The following PSD3 variants were observed in gnomAD, a reference collection of about 807,000 sequenced individuals.
The protein encoded by PSD3 is pleckstrin and Sec7 domain containing 3.
A neutral mutation model predicts 105.5 loss-of-function variants in PSD3; 49 were observed. The observed-to-expected ratio is 0.46, with a 90% CI of 0.37 to 0.59. The LOEUF (loss-of-function observed/expected upper bound fraction) is 0.59. Among genes scored for constraint, PSD3 ranks in the 20% least tolerant of loss-of-function variants. The probability of loss-of-function intolerance (pLI) is 0.00; values close to 1 mark genes in which losing one functional copy is unlikely to be tolerated. For missense variants in PSD3, 1,561 were observed against 1,263.8 expected (o/e 1.24, Z -3.57); for synonymous variants, 557 against 457.8 (o/e 1.22, Z -2.77).
At chr8:18,778,050 G>T (rs1052352105) in intron 8 of PSD3, among the ~76,000 whole-genome samples, 4 of 152,242 alleles carry the variant, frequency 2.6e-5, no homozygotes, top group Admixed American at 2.6e-4. Context: ...TAAGTTGATG[G>T]ACACAGATTA....
intron 1 of PSD3, among the ~76,000 whole-genome samples, chr8:19,083,406 A>G (rs946893446): frequency 6.6e-6 from 1 of 152,190 alleles, no homozygotes; most frequent in Non-Finnish European, 1.5e-5. Context: ...AGGCAAGGCC[A>G]TGATCAGAGG....
At chr8:18,768,402 T>A (rs1447107075) in intron 8 of PSD3, among the ~76,000 whole-genome samples, 1 of 152,108 alleles carries the variant, frequency 6.6e-6, no homozygotes, top group Non-Finnish European at 1.5e-5. Context: ...GCCTGGGAGA[T>A]CAAGACTAGC....
At chr8:18,830,349 T>C (rs1379869983) in intron 4 of PSD3, among the ~76,000 whole-genome samples, 1 of 152,240 alleles carries the variant, frequency 6.6e-6, no homozygotes, top group Admixed American at 6.5e-5. Flanking sequence ...GTTGCTGAAA[T>C]GTGCTCAAGT....
At chr8:18,841,794 T>C (rs1207221195) in intron 4 of PSD3, among the ~76,000 whole-genome samples, 1 of 152,194 alleles carries the variant, frequency 6.6e-6, no homozygotes, top group Non-Finnish European at 1.5e-5. Flanking sequence ...CCATTCCACC[T>C]GGGGGAGAAG....
At chr8:18,804,679 A>T in intron 5 of PSD3, 25 bp downstream of exon 5, 1 of 1,612,452 alleles carries the variant, frequency 6.2e-7, no homozygotes, top group Non-Finnish European at 8.5e-7. Context: ...GAGAATTCAG[A>T]CTCCAGCAAT....
chr8:18,627,368 T>A (rs1204050427), intron 11 of PSD3, among the ~76,000 whole-genome samples: 1 of 152,042 alleles, frequency 6.6e-6, no homozygotes, highest in Non-Finnish European at 1.5e-5. Context: ...TCTGAAGACC[T>A]GCAGAGGATA....
chr8:18,630,659 TTC>T (rs1263058900), intron 11 of PSD3, among the ~76,000 whole-genome samples: 1 of 151,758 alleles, frequency 6.6e-6, no homozygotes, highest in Non-Finnish European at 1.5e-5. Context: ...ATTGAAATTA[TTC>T]TTTTTTTTTT....
chr8:18,956,765 A>G (rs56811014), intron 1 of PSD3, among the ~76,000 whole-genome samples: 30,987 of 151,970 alleles, frequency 0.2, 3,368 homozygotes, highest in African/African-American at 0.29. Flanking sequence ...CTTAAAAATG[A>G]TTGTTAATAA....
Position 18,556,319 on chromosome 8 carries a change from T to C in PSD3, c.2818A>G (p.Lys940Glu). The change falls in exon 15 of 16, where the codon AAG (lysine) becomes GAG (glutamate). Residue 940 changes from lysine to glutamate, a missense_variant. Physicochemically the swap from Lys to Glu is moderately conservative, Grantham distance 56 (BLOSUM62 1). Transcript: ENST00000327040. ...EQLKSHESKL[K>E]QITTELAEHR... ...TCGGCCAGCTCGGTGGTGATCTGCT[T>C]CAGCTTACTTTCATGTGACTTCAGT... 1 of 1,613,770 alleles carries C rather than the reference T, an allele frequency of 6.2e-7. No homozygotes were observed. The highest frequency in any genetic ancestry group is 1.7e-5 in the Admixed American group (1 of 59,984).
At chr8:19,020,164 C>T (rs138028215) in intron 1 of PSD3, among the ~76,000 whole-genome samples, 70 of 152,296 alleles carry the variant, frequency 4.6e-4, no homozygotes, top group Admixed American at 1.9e-3. Flanking sequence ...CAAAGCATCC[C>T]TTCCCTCATG....
intron 8 of PSD3, among the ~76,000 whole-genome samples, chr8:18,779,456 C>A (rs1336032959): frequency 6.7e-6 from 1 of 150,100 alleles, no homozygotes; most frequent in Non-Finnish European, 1.5e-5. Context: ...TTTAGTTCTG[C>A]TCTGACTTTA....
At chr8:18,772,423 G>T (rs1258617978) in intron 8 of PSD3, among the ~76,000 whole-genome samples, 1 of 152,008 alleles carries the variant, frequency 6.6e-6, no homozygotes, top group East Asian at 1.9e-4. Flanking sequence ...GATCGTAGTG[G>T]GTATCAGGTG....
At chr8:18,543,476 G>A (rs1800265021) in intron 15 of PSD3, among the ~76,000 whole-genome samples, 1 of 152,078 alleles carries the variant, frequency 6.6e-6, no homozygotes, top group Admixed American at 6.5e-5. Flanking sequence ...AAATTAGCCA[G>A]GCGTGGTGGC....
At chr8:18,847,593 T>A (rs974671853) in intron 4 of PSD3, among the ~76,000 whole-genome samples, 9 of 152,242 alleles carry the variant, frequency 5.9e-5, no homozygotes, top group Non-Finnish European at 1.3e-4. Flanking sequence ...TATGATTTCG[T>A]ACCGTCAAGT....
At chr8:18,540,979 C>T (rs1272400978) in intron 15 of PSD3, among the ~76,000 whole-genome samples, 1 of 151,994 alleles carries the variant, frequency 6.6e-6, no homozygotes, top group African/African-American at 2.4e-5. Context: ...AGCTCTTCTT[C>T]CAAAAGCCCA....
At chr8:18,954,930 G>A (rs1006752230) in intron 1 of PSD3, among the ~76,000 whole-genome samples, 2 of 152,116 alleles carry the variant, frequency 1.3e-5, no homozygotes, top group African/African-American at 2.4e-5. Flanking sequence ...GTGACGTCAC[G>A]TTAGGATGGA....
chr8:18,917,592 T>C (rs1224440469), intron 2 of PSD3, among the ~76,000 whole-genome samples: 1 of 152,184 alleles, frequency 6.6e-6, no homozygotes, highest in African/African-American at 2.4e-5. Flanking sequence ...ATCCTATATG[T>C]TTCGCTTGAA....
At chr8:18,668,335 C>G (rs1252915562) in intron 9 of PSD3, among the ~76,000 whole-genome samples, 3 of 152,234 alleles carry the variant, frequency 2.0e-5, no homozygotes, top group Non-Finnish European at 4.4e-5. Flanking sequence ...AGACAAACTT[C>G]TGAATATTTC....
At chr8:18,941,302 A>C (rs923023770) in intron 1 of PSD3, among the ~76,000 whole-genome samples, 4 of 152,214 alleles carry the variant, frequency 2.6e-5, no homozygotes, top group African/African-American at 9.6e-5. Flanking sequence ...CAAATGCTTC[A>C]AGTTTGGGCT....
Sources: gnomAD v4.1 joint callset for allele counts (sites outside exome capture counted in the v4.1 genomes callset) on GRCh38, gnomAD v4.1.1 for gene constraint, MANE v1.5 for transcripts, NCBI Gene and HGNC (gene_info 2026-07-23, HGNC 2026-07-21) for gene names.